CELF2: variants seen among roughly 807,000 people sequenced by gnomAD.
The protein encoded by CELF2 is CUG triplet repeat RNA-binding protein 2.
Under a neutral mutation model 62.6 loss-of-function variants are expected in CELF2, and 8 were observed. The observed-to-expected ratio is 0.13, with a 90% CI of 0.07 to 0.23. CELF2 has a LOEUF of 0.23. Among genes scored for constraint, CELF2 ranks in the 10% least tolerant of loss-of-function variants. CELF2 has a pLI of 1.00. For missense variants in CELF2, 333 were observed against 671.0 expected (o/e 0.50, Z 5.56); for synonymous variants, 258 against 250.0 (o/e 1.03, Z -0.30).
intron 2 of CELF2, among the ~76,000 whole-genome samples, chr10:11,173,155 C>A (rs928377072): frequency 6.6e-6 from 1 of 152,192 alleles, no homozygotes; most frequent in Non-Finnish European, 1.5e-5. Context: ...AGATGTCTTA[C>A]CATCAGTCAC....
chr10:11,231,050 C>G (rs926907857), intron 3 of CELF2, among the ~76,000 whole-genome samples: 1 of 152,174 alleles, frequency 6.6e-6, no homozygotes, highest in African/African-American at 2.4e-5. Flanking sequence ...GTGGAATATA[C>G]TATTGCCTGA....
chr10:10,630,103 C>T, the CELF2 span, among the ~76,000 whole-genome samples: 4 of 152,220 alleles, frequency 2.6e-5, no homozygotes, highest in South Asian at 2.1e-4. Context: ...CTCAACCCAT[C>T]GCCCACTTTC....
At chr10:11,009,622 T>G (rs1002483083) in intron 1 of CELF2, among the ~76,000 whole-genome samples, 1 of 151,946 alleles carries the variant, frequency 6.6e-6, no homozygotes, top group Non-Finnish European at 1.5e-5. Context: ...CAGCCCTGAG[T>G]GACATGTATT....
chr10:10,473,413 G>A, the CELF2 span, among the ~76,000 whole-genome samples: 4 of 152,022 alleles, frequency 2.6e-5, 1 homozygote, highest in Admixed American at 2.0e-4. Flanking sequence ...CTGGCCTGTA[G>A]AACTGCGATG....
chr10:10,776,074 A>G, the CELF2 span: 7 of 152,642 alleles, frequency 4.6e-5, no homozygotes, highest in East Asian at 9.6e-4. Context: ...TCAAAACATC[A>G]TATGAAGAAC....
chr10:11,206,300 G>A (rs2060419101), intron 2 of CELF2, among the ~76,000 whole-genome samples: 1 of 152,172 alleles, frequency 6.6e-6, no homozygotes, highest in Non-Finnish European at 1.5e-5. Flanking sequence ...ATTGAGAATC[G>A]TAGGAAAATA....
At chr10:11,066,313 A>G (rs1048085156) in intron 1 of CELF2, among the ~76,000 whole-genome samples, 2 of 152,048 alleles carry the variant, frequency 1.3e-5, no homozygotes, top group Admixed American at 1.3e-4. Flanking sequence ...TGTAACAGCA[A>G]TAGCTCATAC....
chr10:10,771,994 A>T, the CELF2 span, among the ~76,000 whole-genome samples: 1 of 152,178 alleles, frequency 6.6e-6, no homozygotes, highest in African/African-American at 2.4e-5. Flanking sequence ...CTCTAGGTTC[A>T]TTCATCTGAA....
chr10:11,215,962 C>G (rs1257475121), intron 2 of CELF2, among the ~76,000 whole-genome samples: 1 of 152,092 alleles, frequency 6.6e-6, no homozygotes, highest in African/African-American at 2.4e-5. Context: ...GAAGCAGAGC[C>G]AAGTGGATTC....
In CELF2 at chr10:10,953,097, C is replaced by T. The variant is rs890434888; in HGVS notation, c.89+33098C>T. 5.3e-5 allele frequency among the ~76,000 whole-genome samples: 8 copies of T among 152,154 alleles called. No homozygotes were observed. In the East Asian group the frequency reaches 1.5e-3, roughly 29 times the overall value. On this transcript the variant is annotated intron_variant, in intron 2 of 13. Transcript: ENST00000636488. Reference sequence around the variant, plus strand: ...TGAATGGTTACTCTCGTTCTGTCCTCGAGCCACAATCAATTGTACATCATT... The same window carrying T: ...TGAATGGTTACTCTCGTTCTGTCCTTGAGCCACAATCAATTGTACATCATT...
chr10:11,172,132 G>A (rs2069094920), intron 2 of CELF2, among the ~76,000 whole-genome samples: 3 of 152,222 alleles, frequency 2.0e-5, no homozygotes, highest in Non-Finnish European at 4.4e-5. Flanking sequence ...TTGAAAAGCA[G>A]GGTTGCTGCC....
chr10:11,262,490 A>ACTC (rs1236454735), intron 5 of CELF2, among the ~76,000 whole-genome samples: 9 of 152,078 alleles, frequency 5.9e-5, no homozygotes, highest in African/African-American at 1.9e-4. Context: ...TGCCCCCTTG[A>ACTC]CTCCTTACTG....
chr10:10,956,526 C>T (rs368808234), intron 2 of CELF2, among the ~76,000 whole-genome samples: 1 of 152,160 alleles, frequency 6.6e-6, no homozygotes, highest in Non-Finnish European at 1.5e-5. Context: ...CACTTTCTTA[C>T]CTTCTCTGAA....
chr10:10,883,683 T>A (rs2061576438), intron 1 of CELF2, among the ~76,000 whole-genome samples: 1 of 151,922 alleles, frequency 6.6e-6, no homozygotes, highest in Non-Finnish European at 1.5e-5. Context: ...CGGTGCGGAG[T>A]CCTGTGGTAG....
chr10:10,550,327 A>C, the CELF2 span, among the ~76,000 whole-genome samples: 1 of 152,314 alleles, frequency 6.6e-6, no homozygotes, highest in African/African-American at 2.4e-5. Context: ...GAAGAGGAAG[A>C]GATAGGTTGG....
At chr10:11,142,289 G>A (rs933611641) in intron 1 of CELF2, among the ~76,000 whole-genome samples, 1 of 152,208 alleles carries the variant, frequency 6.6e-6, no homozygotes, top group African/African-American at 2.4e-5. Flanking sequence ...CAGGGTGGAA[G>A]AGTTTGTGCC....
intron 1 of CELF2, among the ~76,000 whole-genome samples, chr10:11,033,329 C>T (rs1213130969): frequency 6.6e-6 from 1 of 151,424 alleles, no homozygotes; most frequent in Non-Finnish European, 1.5e-5. Context: ...ACCATCTCGG[C>T]GCACCGCAAC....
intron 1 of CELF2, among the ~76,000 whole-genome samples, chr10:10,838,503 A>G (rs2058456956): frequency 6.6e-6 from 1 of 152,178 alleles, no homozygotes; most frequent in African/African-American, 2.4e-5. Flanking sequence ...AAGTATTTGG[A>G]ATTCTTCTGC....
the CELF2 span, among the ~76,000 whole-genome samples, chr10:10,617,621 C>T: frequency 1.3e-5 from 2 of 152,022 alleles, no homozygotes; most frequent in Non-Finnish European, 2.9e-5. Flanking sequence ...AGATTCCTGG[C>T]TTGAACCCTT....
Sources: gnomAD v4.1 joint callset for allele counts (sites outside exome capture counted in the v4.1 genomes callset) on GRCh38, gnomAD v4.1.1 for gene constraint, MANE v1.5 for transcripts, NCBI Gene and HGNC (gene_info 2026-07-23, HGNC 2026-07-21) for gene names.